Variants in TFEC observed in about 807,000 individuals in gnomAD.
The protein encoded by TFEC is class E basic helix-loop-helix protein 34.
TFEC carries 31 observed loss-of-function variants against 41.6 expected under a neutral mutation model. The ratio of observed to expected loss-of-function variants is 0.74; its 90% CI spans 0.56 to 1.01. The LOEUF (loss-of-function observed/expected upper bound fraction) is 1.01, where lower values mean the gene tolerates loss of function less well. Among genes scored for constraint, TFEC ranks in the 50% least tolerant of loss-of-function variants. The pLI is 0.00. For missense variants in TFEC, 402 were observed against 404.1 expected (o/e 0.99, Z 0.04); for synonymous variants, 143 against 140.6 (o/e 1.02, Z -0.12).
intron 1 of TFEC, among the ~76,000 whole-genome samples, chr7:116,026,569 A>G (rs2130874627): frequency 6.6e-6 from 1 of 152,274 alleles, no homozygotes; most frequent in South Asian, 2.1e-4. Context: ...GTAAAATCAC[A>G]TATTCTCTTC....
chr7:116,159,441 A>G (rs73719123), intron 1 of TFEC, among the ~76,000 whole-genome samples: 1,947 of 152,114 alleles, frequency 0.013, 42 homozygotes, highest in African/African-American at 0.045. Context: ...GGAGAGAAAC[A>G]TAGTCTCGCC....
At chr7:115,984,651 C>A in intron 1 of TFEC, 138 bp from the exon 2 acceptor site, 1 of 1,022,554 alleles carries the variant, frequency 9.8e-7, no homozygotes, top group Non-Finnish European at 1.4e-6. Flanking sequence ...GTCCATACTT[C>A]TGTCATAAGT....
intron 3 of TFEC, among the ~76,000 whole-genome samples, chr7:116,038,428 C>T (rs184104993): frequency 2.0e-5 from 3 of 151,932 alleles, no homozygotes; most frequent in Admixed American, 6.6e-5. Context: ...AAGGCATAAA[C>T]GACTGATAAG....
At chr7:115,945,134 T>C (rs867005514) in intron 6 of TFEC, among the ~76,000 whole-genome samples, 3 of 106,068 alleles carry the variant, frequency 2.8e-5, no homozygotes, top group African/African-American at 8.8e-5. Context: ...TAAAATCTTG[T>C]ATGGTCTTTT....
intron 1 of TFEC, among the ~76,000 whole-genome samples, chr7:116,127,176 A>G (rs996205839): frequency 8.6e-5 from 13 of 151,842 alleles, no homozygotes; most frequent in African/African-American, 2.7e-4. Context: ...GTTCACTGCA[A>G]GCTCTGCCTC....
chr7:115,963,171 C>A (rs1296435796), intron 3 of TFEC, among the ~76,000 whole-genome samples: 1 of 151,730 alleles, frequency 6.6e-6, no homozygotes, highest in Non-Finnish European at 1.5e-5. Context: ...GGGCAAAAGA[C>A]TTGAATAGAC....
At chr7:116,147,437 G>A (rs1798666353) in intron 1 of TFEC, among the ~76,000 whole-genome samples, 4 of 152,028 alleles carry the variant, frequency 2.6e-5, no homozygotes, top group African/African-American at 9.7e-5. Context: ...TAAGTTCTAG[G>A]GTACATGTGC....
At chr7:115,950,097 T>C (rs1164331326) in intron 6 of TFEC, among the ~76,000 whole-genome samples, 4 of 151,234 alleles carry the variant, frequency 2.6e-5, no homozygotes, top group Admixed American at 2.6e-4. Context: ...ACACAACCTC[T>C]GCCCCCTAGG....
At chr7:116,107,254 C>G (rs1448256739) in intron 3 of TFEC, among the ~76,000 whole-genome samples, 2 of 152,062 alleles carry the variant, frequency 1.3e-5, no homozygotes, top group Non-Finnish European at 2.9e-5. Context: ...CTTTTGCCTC[C>G]CAATTATAAT....
In TFEC at chr7:115,990,113, G is replaced by T. The variant is rs192330421; in HGVS notation, c.-72-5600C>A. Among the ~76,000 whole-genome samples the T allele has an allele frequency of 9.9e-5, 15 of 152,260 alleles. No individual in the cohort carries two copies. The East Asian group carries it at 2.9e-3, about 29-fold the overall frequency. On this transcript the variant is annotated intron_variant, in intron 1 of 7. Coordinates refer to ENST00000265440, the MANE Select transcript of TFEC (RefSeq NM_012252.4). The stretch of plus-strand genomic sequence containing the variant: ...CTCTGCTGGTGATACCAAGGAAAAC[G>T]GTGTCTGGAGTGGACCTCCAGCAAA...
chr7:116,126,714 T>C (rs1584548014), intron 1 of TFEC, among the ~76,000 whole-genome samples: 1 of 152,144 alleles, frequency 6.6e-6, no homozygotes, highest in South Asian at 2.1e-4. Flanking sequence ...ATTTCCCTTT[T>C]ACACTCCTTT....
chr7:116,039,333 A>G (rs555137137), intron 3 of TFEC, among the ~76,000 whole-genome samples: 9 of 152,054 alleles, frequency 5.9e-5, no homozygotes, highest in Non-Finnish European at 1.2e-4. Context: ...AAATTATAGG[A>G]AGAAAGGAGG....
At chr7:116,143,389 T>G (rs1798579599) in intron 1 of TFEC, among the ~76,000 whole-genome samples, 1 of 152,088 alleles carries the variant, frequency 6.6e-6, no homozygotes, top group East Asian at 1.9e-4. Flanking sequence ...TACAGAGAGG[T>G]TGTCATAACA....
intron 3 of TFEC, among the ~76,000 whole-genome samples, chr7:116,099,129 G>C (rs923840299): frequency 2.0e-5 from 3 of 152,142 alleles, no homozygotes; most frequent in African/African-American, 7.2e-5. Flanking sequence ...AGGATGAAAA[G>C]ATAGATAGGG....
intron 3 of TFEC, among the ~76,000 whole-genome samples, chr7:115,961,116 C>T (rs143109394): frequency 1.7e-3 from 251 of 151,664 alleles, no homozygotes; most frequent in African/African-American, 5.8e-3. Flanking sequence ...ATCAGTAATG[C>T]TACAGAAGAC....
At chr7:116,075,982 T>C (rs968548661) in intron 3 of TFEC, among the ~76,000 whole-genome samples, 14 of 152,134 alleles carry the variant, frequency 9.2e-5, no homozygotes, top group Admixed American at 9.2e-4. Context: ...ACCAGTGCAC[T>C]ATATGAAAAC....
chr7:116,048,231 G>GA (rs1796219377), intron 3 of TFEC, among the ~76,000 whole-genome samples: 1 of 152,124 alleles, frequency 6.6e-6, no homozygotes, highest in Non-Finnish European at 1.5e-5. Flanking sequence ...TAAAAACCTT[G>GA]AAAAAAGATT....
At chr7:116,065,814 C>T (rs976278376) in intron 3 of TFEC, among the ~76,000 whole-genome samples, 29 of 151,998 alleles carry the variant, frequency 1.9e-4, no homozygotes, top group Admixed American at 3.9e-4. Context: ...GCATGAATAC[C>T]TAAGAATAAT....
In TFEC at chr7:116,024,194, A is replaced by C. The variant is rs1795502951; in HGVS notation, c.-73+6439T>G. The stretch of plus-strand genomic sequence containing the variant: ...CAAATCTAATACAGTCAAAGGCCTC[A>C]TTATCCATGTGTAAGCCTAGAAACC... On this transcript the variant is annotated intron_variant, in intron 1 of 7. Coordinates refer to ENST00000265440, the MANE Select transcript of TFEC (RefSeq NM_012252.4). Among the ~76,000 whole-genome samples, 3 of 152,142 alleles carry C rather than the reference A, an allele frequency of 2.0e-5. No homozygotes were observed. In the South Asian group the frequency reaches 6.2e-4, roughly 31 times the overall value.
Sources: allele counts gnomAD v4.1 joint callset (sites outside exome capture counted in the v4.1 genomes callset), GRCh38; gene constraint gnomAD v4.1.1; transcripts MANE v1.5; gene names NCBI Gene and HGNC (gene_info 2026-07-23, HGNC 2026-07-21).